The following HTR2C variants were observed in gnomAD, a reference collection of about 807,000 sequenced individuals.
The protein encoded by HTR2C is 5-hydroxytryptamine receptor 2C, also known as 5-hydroxytryptamine (serotonin) receptor 2C, G protein-coupled.
Under a neutral mutation model 21.0 loss-of-function variants are expected in HTR2C, and 5 were observed. The ratio of observed to expected loss-of-function variants is 0.24; its 90% CI spans 0.12 to 0.50. The LOEUF (loss-of-function observed/expected upper bound fraction) is 0.50, where lower values mean the gene tolerates loss of function less well. Ranked by LOEUF, HTR2C falls within the 20% of genes least tolerant of loss-of-function variation. The pLI is 0.98. For missense variants in HTR2C, 271 were observed against 371.2 expected, an observed-to-expected ratio of 0.73 and a Z score of 2.22; for synonymous variants, 150 against 145.3, an observed-to-expected ratio of 1.03 and a Z score of -0.23.
chrX:114,736,513 A>AAT (rs1216217803), intron 4 of HTR2C, among the ~76,000 whole-genome samples: 1 of 112,142 alleles, frequency 8.9e-6, no homozygotes, highest in Non-Finnish European at 1.9e-5. Context: ...GGCAGTTAAG[A>AAT]ATATCTCTGC....
intron 5 of HTR2C, among the ~76,000 whole-genome samples, chrX:114,905,820 T>C: frequency 8.9e-6 from 1 of 111,823 alleles, no homozygotes; most frequent in Admixed American, 9.5e-5. Context: ...CATTGATATT[T>C]CCTAACTATG....
chrX:114,625,711 T>C (rs2147813442), intron 2 of HTR2C, among the ~76,000 whole-genome samples: 1 of 112,105 alleles, frequency 8.9e-6, no homozygotes, highest in South Asian at 3.7e-4. Flanking sequence ...GAAGTGGCTT[T>C]TGAGCTCAAC....
Position 114,839,698 on chromosome X carries a change from AAAAC to A in HTR2C, c.350-8301_350-8298del, listed in dbSNP as rs1556464997. 9.8e-4 allele frequency among the ~76,000 whole-genome samples: 102 copies of A among 104,350 alleles called. 1 individual carries two copies. Among genetic ancestry groups the A allele is most frequent in the African/African-American group, 4.0e-3 (100 of 24,844 alleles). The allele number at this position is 104,350 out of a possible 115,157, so 90.6% of individuals were successfully genotyped here. ...CCAGATCCTGTCTCAAAAACAAAAC[AAAAC>A]AAAACAAAACAAAACAAAACAAAAA... On this transcript the variant is annotated intron_variant, in intron 4 of 5. Transcript: ENST00000276198.
intron 2 of HTR2C, among the ~76,000 whole-genome samples, chrX:114,627,499 G>A (rs1361535523): frequency 9.0e-6 from 1 of 111,133 alleles, no homozygotes; most frequent in Non-Finnish European, 1.9e-5. Context: ...TTATTGGTGC[G>A]ATAAGATTAA....
intron 2 of HTR2C, among the ~76,000 whole-genome samples, chrX:114,651,376 G>A (rs908818936): frequency 2.0e-4 from 22 of 111,461 alleles, no homozygotes; most frequent in African/African-American, 7.2e-4. Context: ...TAGAGGGTAT[G>A]GCTAGAGGGT....
intron 4 of HTR2C, among the ~76,000 whole-genome samples, chrX:114,800,393 G>C (rs1189580826): frequency 2.7e-5 from 3 of 110,633 alleles, no homozygotes; most frequent in Non-Finnish European, 5.7e-5. Context: ...AAGACTGAAG[G>C]CATTTATCTT....
At chrX:114,619,659 G>A (rs1366968789) in intron 2 of HTR2C, among the ~76,000 whole-genome samples, 1 of 111,140 alleles carries the variant, frequency 9.0e-6, no homozygotes, top group South Asian at 3.8e-4. Flanking sequence ...CAAAACACGA[G>A]CTTAAAGGCA....
intron 4 of HTR2C, among the ~76,000 whole-genome samples, chrX:114,840,801 A>T (rs1413586108): frequency 9.0e-6 from 1 of 111,710 alleles, no homozygotes; most frequent in Non-Finnish European, 1.9e-5. Context: ...AAAACAAAAA[A>T]TGGCAATTTT....
intron 2 of HTR2C, among the ~76,000 whole-genome samples, chrX:114,689,275 G>C (rs1932035310): frequency 1.0e-5 from 1 of 100,334 alleles, no homozygotes; most frequent in Non-Finnish European, 2.0e-5. Flanking sequence ...CATTTAGGCT[G>C]CTTCCATATT....
At chrX:114,739,043 A>G (rs2069619054) in intron 4 of HTR2C, among the ~76,000 whole-genome samples, 1 of 111,011 alleles carries the variant, frequency 9.0e-6, no homozygotes, top group Non-Finnish European at 1.9e-5. Flanking sequence ...TTAAAAGTAT[A>G]TGATTTATCT....
At chrX:114,628,914 T>C (rs1929498424) in intron 2 of HTR2C, among the ~76,000 whole-genome samples, 1 of 112,242 alleles carries the variant, frequency 8.9e-6, no homozygotes, top group South Asian at 3.7e-4. Context: ...CTACAACTGC[T>C]TTTCAAAACT....
intron 4 of HTR2C, among the ~76,000 whole-genome samples, chrX:114,770,620 GTTTTC>G (rs1382035520): frequency 5.4e-5 from 6 of 110,131 alleles, no homozygotes; most frequent in African/African-American, 9.9e-5. Flanking sequence ...TATCATCATA[GTTTTC>G]TTTAATTCTT....
chrX:114,659,431 A>G (rs1483661645), intron 2 of HTR2C, among the ~76,000 whole-genome samples: 1 of 111,932 alleles, frequency 8.9e-6, no homozygotes, highest in East Asian at 2.8e-4. Flanking sequence ...ATTGAGAAGA[A>G]CACAGCATCA....
chrX:114,905,076 G>A (rs2071362056), intron 5 of HTR2C, among the ~76,000 whole-genome samples: 2 of 110,536 alleles, frequency 1.8e-5, no homozygotes, highest in African/African-American at 6.6e-5. Flanking sequence ...TTTAGGATCT[G>A]GCCATGCACT....
intron 2 of HTR2C, among the ~76,000 whole-genome samples, chrX:114,665,670 T>C (rs964699024): frequency 2.3e-4 from 26 of 111,914 alleles, no homozygotes; most frequent in African/African-American, 8.4e-4. Flanking sequence ...ATATATTTGC[T>C]ATTCATTAAG....
intron 2 of HTR2C, among the ~76,000 whole-genome samples, chrX:114,684,903 T>C (rs1931862695): frequency 9.0e-6 from 1 of 111,537 alleles, no homozygotes; most frequent in African/African-American, 3.2e-5. Context: ...ATCTCTGCCA[T>C]GAAAAGCCTT....
At chrX:114,696,208 C>A (rs1602694183) in intron 2 of HTR2C, among the ~76,000 whole-genome samples, 1 of 111,546 alleles carries the variant, frequency 9.0e-6, no homozygotes, top group Middle Eastern at 4.7e-3. Context: ...TTATATCTAT[C>A]CTCCAAAGGC....
chrX:114,858,220 T>G (rs1259002856), intron 5 of HTR2C, among the ~76,000 whole-genome samples: 3 of 110,993 alleles, frequency 2.7e-5, no homozygotes, highest in Non-Finnish European at 5.7e-5. Flanking sequence ...AAAATTAGCT[T>G]GTCAACCCCC....
rs145526700 is a variant in HTR2C at position 114,707,867 on chromosome X, A to G, written c.-79-18991A>G. 3.4e-3 allele frequency among the ~76,000 whole-genome samples: 378 copies of G among 109,762 alleles called. 4 individuals are homozygous for G. The highest frequency in any genetic ancestry group is 0.012 in the African/African-American group (366 of 30,287). ...AGTCCTTCTGATTTCAACTTTGCCTATTTACTATATAATAGTAAATAGGCA... is the reference window on the plus strand; with the variant it reads ...AGTCCTTCTGATTTCAACTTTGCCTGTTTACTATATAATAGTAAATAGGCA... On this transcript the variant is annotated intron_variant, in intron 2 of 5. Coordinates refer to ENST00000276198, the MANE Select transcript of HTR2C (RefSeq NM_000868.4).
Sources: gnomAD v4.1 joint callset for allele counts (sites outside exome capture counted in the v4.1 genomes callset) on GRCh38, gnomAD v4.1.1 for gene constraint, MANE v1.5 for transcripts, NCBI Gene and HGNC (gene_info 2026-07-23, HGNC 2026-07-21) for gene names.